Variants in LHX8 observed in about 807,000 individuals in gnomAD.
LHX8 encodes LIM homeobox 8.
In LHX8, 12 loss-of-function variants were observed where a neutral mutation model predicts 40.3. The ratio of observed to expected loss-of-function variants is 0.30; its 90% confidence interval spans 0.19 to 0.48. The LOEUF (loss-of-function observed/expected upper bound fraction) is 0.48. Ranked by LOEUF, LHX8 falls within the 20% of genes least tolerant of loss-of-function variation. The pLI, the probability that LHX8 is intolerant of heterozygous loss-of-function variation, is 0.99. For missense variants in LHX8, 344 were observed against 433.7 expected (o/e 0.79, Z 1.84); for synonymous variants, 179 against 162.0 (o/e 1.10, Z -0.80).
the LHX8 span, among the ~76,000 whole-genome samples, chr1:75,181,731 T>C: frequency 6.6e-6 from 1 of 152,332 alleles, no homozygotes; most frequent in East Asian, 1.9e-4. Flanking sequence ...CCCAATGAGA[T>C]GAACCAAATA....
chr1:75,193,025 C>T, the LHX8 span, among the ~76,000 whole-genome samples: 2 of 152,286 alleles, frequency 1.3e-5, no homozygotes, highest in South Asian at 4.1e-4. Flanking sequence ...ATTTGAATGT[C>T]TGTTGCAGAG....
At chr1:75,148,528 GGAA>G (rs1648523038) in intron 6 of LHX8, 56 bp from the exon 7 acceptor site, 1 of 1,165,688 alleles carries the variant, frequency 8.6e-7, no homozygotes. Context: ...TAAAAATGCA[GGAA>G]GAAGACTGAG....
At chr1:75,137,353 C>A in intron 3 of LHX8, 92 bp downstream of exon 3, 2 of 1,330,316 alleles carry the variant, frequency 1.5e-6, no homozygotes, top group Non-Finnish European at 2.1e-6. Flanking sequence ...CCAACCTTTC[C>A]GTTCAAGTTC....
chr1:75,163,671 GC>G (rs1171645928), downstream of LHX8, among the ~76,000 whole-genome samples: 2 of 152,138 alleles, frequency 1.3e-5, no homozygotes, highest in Admixed American at 1.3e-4. Context: ...CTATTTTGTA[GC>G]CTACATTTTC....
chr1:75,186,970 G>A, the LHX8 span, among the ~76,000 whole-genome samples: 1 of 152,154 alleles, frequency 6.6e-6, no homozygotes, highest in East Asian at 1.9e-4. Context: ...TGAATTCCCA[G>A]GATCAGAGTG....
Position 75,155,384 on chromosome 1 carries a change from G to A in LHX8, c.781-1509G>A, listed in dbSNP as rs181360714. ...CAAGTAGCTGGGACTACAGGCACCCGCCACCATGCCTGGCTAATTTTTTGT... is the reference window on the plus strand; with the variant it reads ...CAAGTAGCTGGGACTACAGGCACCCACCACCATGCCTGGCTAATTTTTTGT... On this transcript the variant is annotated intron_variant, in intron 7 of 8. Coordinates refer to ENST00000356261, the MANE Select transcript of LHX8 (RefSeq NM_001256114.2). Among the ~76,000 whole-genome samples the A allele has an allele frequency of 5.3e-3, 798 of 151,858 alleles. 9 individuals are homozygous for A. The highest frequency in any genetic ancestry group is 0.018 in the African/African-American group (762 of 41,416).
chr1:75,169,253 T>A, the LHX8 span, among the ~76,000 whole-genome samples: 1 of 152,202 alleles, frequency 6.6e-6, no homozygotes, highest in Non-Finnish European at 1.5e-5. Context: ...AAAGTAGTGT[T>A]TATGAGATTT....
intron 2 of LHX8, 63 bp downstream of exon 2, chr1:75,136,752 G>T: frequency 1.5e-6 from 2 of 1,355,886 alleles, no homozygotes; most frequent in Non-Finnish European, 2.0e-6. Flanking sequence ...CAGGACGAAG[G>T]GCCGCTGTCC....
chr1:75,185,228 G>C, the LHX8 span, among the ~76,000 whole-genome samples: 1 of 151,892 alleles, frequency 6.6e-6, no homozygotes, highest in Non-Finnish European at 1.5e-5. Context: ...AAATTGAGGA[G>C]GAGGGACTCC....
In LHX8 at chr1:75,161,153, G is replaced by C. The variant is rs1006940392; in HGVS notation, c.*258G>C. ...TATTGTCTGGAAATAGTTCACTCTA[G>C]TGTGTATCTGTTAATTTATTTGTCA... On this transcript the variant is annotated 3_prime_UTR_variant, in exon 9 of 9. Transcript: ENST00000356261. 2 of 426,912 alleles carry C rather than the reference G, an allele frequency of 4.7e-6. No individual in the cohort carries two copies. Among genetic ancestry groups the C allele is most frequent in the South Asian group, 5.4e-5 (2 of 36,734 alleles). The allele number at this position is 426,912 out of a possible 1,614,324, so 26.4% of individuals were successfully genotyped here.
intron 7 of LHX8, among the ~76,000 whole-genome samples, chr1:75,151,654 G>T (rs139523507): frequency 6.6e-6 from 1 of 152,188 alleles, no homozygotes; most frequent in Non-Finnish European, 1.5e-5. Flanking sequence ...CCTCTGCCTG[G>T]GAGAACAGTT....
chr1:75,165,375 T>C (rs544027514), downstream of LHX8, among the ~76,000 whole-genome samples: 1 of 152,276 alleles, frequency 6.6e-6, no homozygotes, highest in Non-Finnish European at 1.5e-5. Context: ...GGAGAATAAA[T>C]TAACAAATTT....
At chr1:75,162,549 C>T (rs1043295735), downstream of LHX8, among the ~76,000 whole-genome samples, 2 of 150,198 alleles carry the variant, frequency 1.3e-5, no homozygotes, top group Admixed American at 6.7e-5. Context: ...TTCCTGTGCT[C>T]ATCATCCTCT....
At chr1:75,166,248 T>C (rs565672247), downstream of LHX8, among the ~76,000 whole-genome samples, 1 of 152,340 alleles carries the variant, frequency 6.6e-6, no homozygotes, top group African/African-American at 2.4e-5. Flanking sequence ...AAAGTGTTTT[T>C]ACTCCAACCT....
rs1166720686 is a variant in LHX8 at position 75,141,182 on chromosome 1, C to G, written c.359+76C>G. On this transcript the variant is annotated intron_variant, in intron 4 of 8. Coordinates refer to ENST00000356261, the MANE Select transcript of LHX8 (RefSeq NM_001256114.2). ...AAGAGACTTTTGTAATAGGCTTTTT[C>G]TTGTTCAGTTTTATTTAATGAAGCC... 10 of 1,510,146 alleles carry G rather than the reference C, an allele frequency of 6.6e-6. No homozygotes were observed. The African/African-American group carries it at 1.4e-4, about 21-fold the overall frequency. The allele number at this position is 1,510,146 out of a possible 1,614,324, so 93.5% of individuals were successfully genotyped here. A position where few individuals can be genotyped will look rare whatever the true frequency, so the allele number is the denominator to read the frequency against.
At chr1:75,143,057 G>A (rs923954962) in intron 4 of LHX8, 61 bp from the exon 5 acceptor site, 52 of 1,289,244 alleles carry the variant, frequency 4.0e-5, no homozygotes, top group Non-Finnish European at 5.4e-5. Context: ...TTTAATATTC[G>A]ACTGATGAAT....
chr1:75,148,678 T>C lies in LHX8; in HGVS notation c.776T>C (p.Ile259Thr). 1.2e-6 allele frequency: 2 copies of C among 1,604,758 alleles called. No homozygotes were observed. Among genetic ancestry groups the C allele is most frequent in the Non-Finnish European group, 1.7e-6 (2 of 1,174,580 alleles). The change falls in exon 7 of 9, where the codon ATA becomes ACA. Residue 259 changes from isoleucine to threonine, a missense_variant. Ile to Thr is a moderately conservative substitution (Grantham distance 89). Around this residue, in one of 3 missense-constraint regions of LHX8, gnomAD observed 147 missense variants for 250.8 expected, o/e 0.59. Transcript: ENST00000356261. The part of the protein sequence containing the change: ...AERTGLSRRV[I>T]QVWFQNCRAR... ...AGGACAGGCTTGAGCAGACGTGTGATACAGGTGATTACTTTACTTTTTTTT... is the reference window on the plus strand; with the variant it reads ...AGGACAGGCTTGAGCAGACGTGTGACACAGGTGATTACTTTACTTTTTTTT...
intron 3 of LHX8, among the ~76,000 whole-genome samples, chr1:75,140,397 T>C (rs1417386519): frequency 6.6e-6 from 1 of 152,198 alleles, no homozygotes; most frequent in African/African-American, 2.4e-5. Flanking sequence ...TTCAGCTGTT[T>C]AATATTAGAA....
chr1:75,167,666 G>A, the LHX8 span, among the ~76,000 whole-genome samples: 1 of 152,098 alleles, frequency 6.6e-6, no homozygotes, highest in Admixed American at 6.5e-5. Flanking sequence ...TCCTTCCTCA[G>A]TTTTGTCTCA....
Sources: allele counts gnomAD v4.1 joint callset (sites outside exome capture counted in the v4.1 genomes callset), GRCh38; gene constraint gnomAD v4.1.1; regional missense constraint gnomAD v4.1.1; transcripts MANE v1.5; gene names NCBI Gene and HGNC (gene_info 2026-07-23, HGNC 2026-07-21).